The following ANK3 variants were observed in gnomAD, a reference collection of about 807,000 sequenced individuals.
The protein encoded by ANK3 is ankyrin 3.
A neutral mutation model predicts 370.9 loss-of-function variants in ANK3; 57 were observed. The observed-to-expected ratio is 0.15, with a 90% CI of 0.12 to 0.19. ANK3 has a LOEUF of 0.19. Ranked by LOEUF, ANK3 falls within the 10% of genes least tolerant of loss-of-function variation. The pLI is 1.00. For synonymous variants in ANK3, 1,929 were observed against 1,946.3 expected, an observed-to-expected ratio of 0.99 and a Z score of 0.23; for missense variants, 4,439 against 5,302.1, an observed-to-expected ratio of 0.84 and a Z score of 5.06.
At position 60,582,661 on chromosome 10, in the gene ANK3, T is replaced by A. The variant is rs1463737625; in HGVS notation, c.96+32525A>T. On this transcript the variant is annotated intron_variant, in intron 2 of 43. Transcript: ENST00000373827. ...ATTCCTAAAATATATTATTTTTATA[T>A]AATATATTATATAAAATATAAATAT... is the stretch of plus-strand genomic sequence containing the variant. Among the ~76,000 whole-genome samples the A allele has an allele frequency of 2.0e-5, 3 of 148,716 alleles. No individual in the cohort carries two copies. The Admixed American group carries it at 2.0e-4, about 10-fold the overall frequency.
chr10:60,634,630 C>T (rs1241836310), intron 1 of ANK3, among the ~76,000 whole-genome samples: 2 of 152,120 alleles, frequency 1.3e-5, no homozygotes, highest in Non-Finnish European at 2.9e-5. Flanking sequence ...CAGCAGCAAC[C>T]AGCTCGGGTC....
At chr10:60,688,764 T>A (rs948391661) in intron 1 of ANK3, among the ~76,000 whole-genome samples, 2 of 151,750 alleles carry the variant, frequency 1.3e-5, no homozygotes, top group South Asian at 2.1e-4. Flanking sequence ...CTGGCTAACA[T>A]GGTGAAACCC....
chr10:60,683,811 C>CATAA (rs1324423275), intron 1 of ANK3, among the ~76,000 whole-genome samples: 2 of 152,164 alleles, frequency 1.3e-5, no homozygotes, highest in African/African-American at 4.8e-5. Flanking sequence ...TGTTCCTGTC[C>CATAA]ATACATGACA....
At chr10:60,615,161 T>C in intron 2 of ANK3, 1 of 1,437,146 alleles carries the variant, frequency 7.0e-7, no homozygotes, top group South Asian at 1.4e-5. Flanking sequence ...ATATATTTGT[T>C]GAGTTTAGTG....
chr10:60,092,615 C>T (rs937821633), intron 28 of ANK3, among the ~76,000 whole-genome samples: 10 of 152,028 alleles, frequency 6.6e-5, no homozygotes, highest in African/African-American at 2.4e-4. Context: ...AAAAAAGTAA[C>T]TATTAGAAAA....
chr10:60,206,247 T>C (rs1470242038), intron 10 of ANK3, among the ~76,000 whole-genome samples: 1 of 152,022 alleles, frequency 6.6e-6, no homozygotes, highest in Non-Finnish European at 1.5e-5. Flanking sequence ...CTGAGGTGGG[T>C]GGATCACCTG....
rs1335750753 is a variant in ANK3 at position 60,360,476 on chromosome 10, AG to A, written c.114+28948del. Among the ~76,000 whole-genome samples, 8 of 152,218 alleles carry A rather than the reference AG, an allele frequency of 5.3e-5. No homozygotes were observed. The East Asian group carries it at 1.3e-3, about 26-fold the overall frequency. On this transcript the variant is annotated intron_variant, in intron 1 of 43. Coordinates refer to ENST00000280772, the MANE Select transcript of ANK3 (RefSeq NM_020987.5). ...GTAGTCCCAGCACTTTGAGAGGCTG[AG>A]GCAAGATGACTGCCTGAGCCCGGGA...
At chr10:60,100,949 A>C (rs1331064832) in intron 28 of ANK3, among the ~76,000 whole-genome samples, 1 of 152,168 alleles carries the variant, frequency 6.6e-6, no homozygotes, top group Admixed American at 6.5e-5. Flanking sequence ...AGGTGAAATT[A>C]ATTTTTTATT....
chr10:60,616,537 G>A (rs548000370), intron 1 of ANK3, among the ~76,000 whole-genome samples: 12 of 151,994 alleles, frequency 7.9e-5, no homozygotes, highest in Non-Finnish European at 1.6e-4. Context: ...CTCAAAATGT[G>A]GTCTTGATAG....
chr10:60,677,375 T>C (rs1340506129), intron 1 of ANK3, among the ~76,000 whole-genome samples: 1 of 152,234 alleles, frequency 6.6e-6, no homozygotes, highest in Non-Finnish European at 1.5e-5. Context: ...TTTTTCTAGA[T>C]TTAAATCAGT....
chr10:60,122,472 G>A (rs1361333118), intron 25 of ANK3, among the ~76,000 whole-genome samples: 1 of 152,208 alleles, frequency 6.6e-6, no homozygotes, highest in East Asian at 1.9e-4. Context: ...CCTCCATCAG[G>A]AATAAAGGAG....
chr10:60,437,893 T>C (rs563151255), intron 2 of ANK3, among the ~76,000 whole-genome samples: 2 of 152,310 alleles, frequency 1.3e-5, no homozygotes, highest in Admixed American at 1.3e-4. Flanking sequence ...AATGTAGGTA[T>C]TTCTATTTAA....
At chr10:60,051,312 T>G (rs1039352279) in intron 42 of ANK3, among the ~76,000 whole-genome samples, 3 of 152,212 alleles carry the variant, frequency 2.0e-5, no homozygotes, top group Admixed American at 6.5e-5. Context: ...TCTTTTTGGT[T>G]GTTGTTTTTA....
chr10:60,722,193 G>A (rs1321566301), intron 1 of ANK3, among the ~76,000 whole-genome samples: 4 of 151,886 alleles, frequency 2.6e-5, no homozygotes, highest in East Asian at 1.9e-4. Context: ...GGATAGGGCC[G>A]CAAAGAAATT....
At chr10:60,099,682 CT>C (rs1257321875) in intron 28 of ANK3, among the ~76,000 whole-genome samples, 2 of 152,180 alleles carry the variant, frequency 1.3e-5, no homozygotes, top group African/African-American at 2.4e-5. Flanking sequence ...TAAGCCATTA[CT>C]GTTACATCTA....
At chr10:60,721,563 T>G (rs556778449) in intron 1 of ANK3, among the ~76,000 whole-genome samples, 1 of 152,348 alleles carries the variant, frequency 6.6e-6, no homozygotes, top group East Asian at 1.9e-4. Flanking sequence ...CTTTGTTTTG[T>G]ACATATAAAA....
chr10:60,131,145 T>C (rs1218583175), intron 25 of ANK3, among the ~76,000 whole-genome samples: 1 of 152,116 alleles, frequency 6.6e-6, no homozygotes, highest in Non-Finnish European at 1.5e-5. Flanking sequence ...GCTAAGAAAA[T>C]TATCAATGCT....
intron 2 of ANK3, among the ~76,000 whole-genome samples, chr10:60,415,209 C>G (rs1448193246): frequency 1.3e-5 from 2 of 152,134 alleles, no homozygotes; most frequent in Non-Finnish European, 2.9e-5. Context: ...ACAGTCTGGC[C>G]TGGAGCTACT....
At chr10:60,360,840 C>T (rs912887079) in intron 1 of ANK3, among the ~76,000 whole-genome samples, 103 of 151,938 alleles carry the variant, frequency 6.8e-4, no homozygotes, top group African/African-American at 2.4e-3. Context: ...TCGTGTAAAA[C>T]CCTTATTTAA....
Sources: allele counts gnomAD v4.1 joint callset (sites outside exome capture counted in the v4.1 genomes callset), GRCh38; gene constraint gnomAD v4.1.1; transcripts MANE v1.5; gene names NCBI Gene and HGNC (gene_info 2026-07-23, HGNC 2026-07-21).